The following ANO2 variants were observed in gnomAD, a reference collection of about 807,000 sequenced individuals.
The protein encoded by ANO2 is anoctamin 2.
In ANO2, 101 loss-of-function variants were observed where a neutral mutation model predicts 124.2. The observed-to-expected ratio is 0.81, with a 90% CI of 0.69 to 0.96. The LOEUF is 0.96. ANO2 is among the 40% of genes least tolerant of loss of function. The probability of loss-of-function intolerance (pLI) is 0.00; values close to 1 mark genes in which losing one functional copy is unlikely to be tolerated. For synonymous variants in ANO2, 486 were observed against 482.5 expected (o/e 1.01, Z -0.09); for missense variants, 1,293 against 1,274.5 (o/e 1.01, Z -0.22).
At chr12:5,813,657 G>T (rs1565689707) in intron 7 of ANO2, among the ~76,000 whole-genome samples, 1 of 151,948 alleles carries the variant, frequency 6.6e-6, no homozygotes, top group African/African-American at 2.4e-5. Context: ...CACTACAATT[G>T]TCTCCTCTCA....
At chr12:5,857,704 G>GT (rs981008436) in intron 3 of ANO2, among the ~76,000 whole-genome samples, 3 of 151,966 alleles carry the variant, frequency 2.0e-5, no homozygotes, top group African/African-American at 7.3e-5. Flanking sequence ...CCTTTGCCCA[G>GT]TTTTTAATTA....
At chr12:5,625,053 A>T (rs1038992826) in intron 16 of ANO2, among the ~76,000 whole-genome samples, 1 of 152,090 alleles carries the variant, frequency 6.6e-6, no homozygotes, top group Non-Finnish European at 1.5e-5. Context: ...TGGGAGGGGG[A>T]ATTGGAGAGG....
chr12:5,920,193 A>G (rs980148297), intron 3 of ANO2, among the ~76,000 whole-genome samples: 1 of 152,084 alleles, frequency 6.6e-6, no homozygotes, highest in African/African-American at 2.4e-5. Context: ...CAGAGGTGAG[A>G]GTATCTATAG....
chr12:5,677,748 G>C (rs1948310889), intron 14 of ANO2, among the ~76,000 whole-genome samples: 1 of 152,162 alleles, frequency 6.6e-6, no homozygotes, highest in African/African-American at 2.4e-5. Flanking sequence ...CCTTTCAAAA[G>C]GTGCTTCATT....
At chr12:5,851,710 T>C (rs1482826798) in intron 4 of ANO2, among the ~76,000 whole-genome samples, 1 of 145,362 alleles carries the variant, frequency 6.9e-6, no homozygotes, top group African/African-American at 2.5e-5. Flanking sequence ...AAGAGAGATG[T>C]GGAGGTGTCA....
intron 3 of ANO2, among the ~76,000 whole-genome samples, chr12:5,909,793 T>C (rs1362538901): frequency 6.6e-6 from 1 of 152,182 alleles, no homozygotes; most frequent in Non-Finnish European, 1.5e-5. Flanking sequence ...TCTCCCTTCA[T>C]ACAGCAGCCA....
At chr12:5,744,434 T>C (rs1394456855) in intron 11 of ANO2, 117 bp from the exon 12 acceptor site, 1 of 1,108,236 alleles carries the variant, frequency 9.0e-7, no homozygotes, top group Non-Finnish European at 1.3e-6. Flanking sequence ...TTCAACTCCA[T>C]AAGTAAGGAA....
intron 3 of ANO2, among the ~76,000 whole-genome samples, chr12:5,871,007 A>G (rs1258074016): frequency 6.6e-6 from 1 of 152,230 alleles, no homozygotes; most frequent in Non-Finnish European, 1.5e-5. Flanking sequence ...AGTAATTTCA[A>G]AAAAACTGAT....
intron 8 of ANO2, among the ~76,000 whole-genome samples, chr12:5,806,351 G>A (rs190923578): frequency 8.3e-4 from 126 of 152,208 alleles, no homozygotes; most frequent in Middle Eastern, 3.4e-3. Flanking sequence ...GTGCCCCCTC[G>A]TAGCAATGCA....
chr12:5,851,528 T>C (rs1237513401), intron 4 of ANO2, among the ~76,000 whole-genome samples: 1 of 151,676 alleles, frequency 6.6e-6, no homozygotes, highest in East Asian at 1.9e-4. Flanking sequence ...CTACTAAAAA[T>C]ACAAAAATTA....
chr12:5,873,053 T>C (rs1937813858), intron 3 of ANO2, among the ~76,000 whole-genome samples: 1 of 152,224 alleles, frequency 6.6e-6, no homozygotes, highest in Non-Finnish European at 1.5e-5. Flanking sequence ...CTGGGCTAGA[T>C]AGCACTCCAT....
At chr12:5,736,669 A>G (rs1323110628) in intron 13 of ANO2, among the ~76,000 whole-genome samples, 7 of 152,056 alleles carry the variant, frequency 4.6e-5, no homozygotes, top group Non-Finnish European at 7.4e-5. Context: ...CCTGATCTTC[A>G]TGCCTTCCCA....
intron 20 of ANO2, among the ~76,000 whole-genome samples, chr12:5,582,425 T>C (rs952640738): frequency 1.3e-5 from 2 of 152,216 alleles, no homozygotes; most frequent in African/African-American, 2.4e-5. Flanking sequence ...CATCAGTGAT[T>C]TCCTGAGTTT....
chr12:5,710,679 G>A (rs1044144268), intron 14 of ANO2, among the ~76,000 whole-genome samples: 2 of 152,152 alleles, frequency 1.3e-5, no homozygotes, highest in African/African-American at 2.4e-5. Flanking sequence ...GCACACAGTA[G>A]GGCCACATGA....
At chr12:5,624,414 G>A (rs1389619944) in intron 16 of ANO2, among the ~76,000 whole-genome samples, 1 of 152,088 alleles carries the variant, frequency 6.6e-6, no homozygotes, top group Non-Finnish European at 1.5e-5. Context: ...CCTGTGACAA[G>A]GACAGGAGTG....
At chr12:5,709,621 C>T (rs536609363) in intron 14 of ANO2, among the ~76,000 whole-genome samples, 140 of 152,340 alleles carry the variant, frequency 9.2e-4, no homozygotes, top group Non-Finnish European at 1.9e-3. Flanking sequence ...TTGGCATCCT[C>T]GCCCCTTAGG....
chr12:5,574,019 G>A (rs1942270035), intron 23 of ANO2, among the ~76,000 whole-genome samples: 1 of 152,144 alleles, frequency 6.6e-6, no homozygotes, highest in Non-Finnish European at 1.5e-5. Flanking sequence ...ACATGCCCAG[G>A]GTCATCACTG....
intron 7 of ANO2, among the ~76,000 whole-genome samples, chr12:5,808,606 AAGAGACTGTAG>A (rs1010311083): frequency 1.3e-5 from 2 of 152,146 alleles, no homozygotes; most frequent in Non-Finnish European, 2.9e-5. Flanking sequence ...ATTCTTTCCA[AAGAGACTGTAG>A]ACTGTAGTGA....
chr12:5,798,197 T>C lies in ANO2; in HGVS notation c.1055+1310A>G, dbSNP rs1017848843. On this transcript the variant is annotated intron_variant, in intron 10 of 24. Coordinates refer to ENST00000682330, the MANE Select transcript of ANO2 (RefSeq NM_001364791.2). Reference sequence around the variant, plus strand: ...AGCCTTGGGGTGGCCCAGAGAACAGTCTAGGTGGCCCATGCCACATGAAAG... The same window carrying C: ...AGCCTTGGGGTGGCCCAGAGAACAGCCTAGGTGGCCCATGCCACATGAAAG... Among the ~76,000 whole-genome samples the C allele has an allele frequency of 2.0e-5, 3 of 148,574 alleles. No homozygotes were observed. In the Admixed American group the frequency reaches 2.0e-4, roughly 10 times the overall value.
Sources: gnomAD v4.1 joint callset for allele counts (sites outside exome capture counted in the v4.1 genomes callset) on GRCh38, gnomAD v4.1.1 for gene constraint, MANE v1.5 for transcripts, NCBI Gene and HGNC (gene_info 2026-07-23, HGNC 2026-07-21) for gene names.